Variants in RAB2A observed in about 807,000 individuals in gnomAD.
RAB2A encodes RAB2A, member RAS oncogene family, also known as ras-related protein Rab-2A.
In RAB2A, 7 loss-of-function variants were observed where a neutral mutation model predicts 32.5. The ratio of observed to expected loss-of-function variants is 0.22; its 90% confidence interval spans 0.12 to 0.40. RAB2A has a LOEUF of 0.40. Among genes scored for constraint, RAB2A ranks in the 10% least tolerant of loss-of-function variants. The pLI is 1.00. For synonymous variants in RAB2A, 79 were observed against 85.2 expected (o/e 0.93, Z 0.40); for missense variants, 108 against 260.7 (o/e 0.41, Z 4.03).
At chr8:60,531,798 A>ATTTT (rs11320293) in intron 1 of RAB2A, among the ~76,000 whole-genome samples, 1 of 129,698 alleles carries the variant, frequency 7.7e-6, no homozygotes, top group Non-Finnish European at 1.6e-5. Flanking sequence ...TTCTACCTTG[A>ATTTT]TTTTTTTTTT....
chr8:60,556,591 A>G (rs922359585), intron 1 of RAB2A, among the ~76,000 whole-genome samples: 4 of 151,188 alleles, frequency 2.6e-5, no homozygotes, highest in Admixed American at 1.3e-4. Flanking sequence ...CTTGAGCTCA[A>G]GAGTTTTTGG....
At chr8:60,582,619 C>G (rs1803780680) in intron 3 of RAB2A, among the ~76,000 whole-genome samples, 1 of 152,198 alleles carries the variant, frequency 6.6e-6, no homozygotes, top group African/African-American at 2.4e-5. Context: ...CACCTGGGCT[C>G]AGATGATCCT....
chr8:60,610,261 A>G (rs1260927657), intron 6 of RAB2A, among the ~76,000 whole-genome samples: 1 of 152,174 alleles, frequency 6.6e-6, no homozygotes, highest in Non-Finnish European at 1.5e-5. Context: ...CTGACAGGAT[A>G]GATGAATTTC....
chr8:60,523,809 G>A (rs921357726), intron 1 of RAB2A, among the ~76,000 whole-genome samples: 2 of 151,184 alleles, frequency 1.3e-5, no homozygotes, highest in African/African-American at 4.9e-5. Context: ...TCCTGCCTCA[G>A]CCTCCCAAGT....
intron 5 of RAB2A, among the ~76,000 whole-genome samples, chr8:60,589,344 C>T (rs1464145342): frequency 6.6e-6 from 1 of 151,938 alleles, no homozygotes; most frequent in Non-Finnish European, 1.5e-5. Flanking sequence ...GTATAACGAA[C>T]AAGAAAGAAC....
intron 6 of RAB2A, among the ~76,000 whole-genome samples, chr8:60,606,349 TGTGAATCCTACA>T (rs1396896123): frequency 6.6e-6 from 1 of 152,232 alleles, no homozygotes; most frequent in African/African-American, 2.4e-5. Flanking sequence ...GTCTCTGACC[TGTGAATCCTACA>T]GTGAATACTC....
intron 1 of RAB2A, among the ~76,000 whole-genome samples, chr8:60,539,862 T>C (rs1299295840): frequency 6.6e-6 from 1 of 152,120 alleles, no homozygotes; most frequent in African/African-American, 2.4e-5. Context: ...AGTTGTCTGC[T>C]AAGTTCCACA....
chr8:60,555,403 T>C (rs1404954531), intron 1 of RAB2A, among the ~76,000 whole-genome samples: 1 of 151,402 alleles, frequency 6.6e-6, no homozygotes. Context: ...ACTAAAATCC[T>C]TCACAGCAAA....
intron 1 of RAB2A, among the ~76,000 whole-genome samples, chr8:60,548,632 G>A (rs1355697577): frequency 2.8e-5 from 4 of 143,610 alleles, no homozygotes; most frequent in African/African-American, 5.3e-5. Context: ...GCGGCTGGCC[G>A]AGCGGGGGGC....
At chr8:60,517,816 A>T (rs886966750) in intron 1 of RAB2A, among the ~76,000 whole-genome samples, 1 of 152,060 alleles carries the variant, frequency 6.6e-6, no homozygotes. Context: ...CATATATATA[A>T]AATATGCTTT....
Position 60,584,171 on chromosome 8 carries a change from A to G in RAB2A, c.187-37A>G, listed in dbSNP as rs745947614. 2.7e-6 allele frequency: 4 copies of G among 1,470,988 alleles called. No individual in the cohort carries two copies. In the African/African-American group the frequency reaches 4.2e-5, roughly 15 times the overall value. The allele number at this position is 1,470,988 out of a possible 1,614,324, so 91.1% of individuals were successfully genotyped here. On this transcript the variant is annotated intron_variant, in intron 3 of 7. Transcript: ENST00000262646. ...AATATGAAAATGTAGAGGACATTGT[A>G]TTAAAGGAAACTCTCCAACCTTTTT... is the stretch of plus-strand genomic sequence containing the variant.
intron 3 of RAB2A, among the ~76,000 whole-genome samples, chr8:60,576,486 A>G (rs1415327883): frequency 6.6e-6 from 1 of 152,106 alleles, no homozygotes; most frequent in Non-Finnish European, 1.5e-5. Flanking sequence ...TCATTTATCC[A>G]CTCAGCTTCC....
Position 60,604,495 on chromosome 8 carries a change from T to C in RAB2A, c.474+12526T>C, listed in dbSNP as rs145244342. On this transcript the variant is annotated intron_variant, in intron 6 of 7. Transcript: ENST00000262646. The stretch of plus-strand genomic sequence containing the variant: ...AAGATGAGGAAAAATTTGGAACTTC[T>C]TAGAGACTGCTTGAATTGTGACCAA... Among the ~76,000 whole-genome samples, 293 of 152,300 alleles carry C rather than the reference T, an allele frequency of 1.9e-3. 3 individuals carry two copies. Among genetic ancestry groups the C allele is most frequent in the Admixed American group, 0.013 (192 of 15,294 alleles).
intron 2 of RAB2A, 89 bp downstream of exon 2, chr8:60,559,012 G>T (rs1178700037): frequency 1.1e-6 from 1 of 890,510 alleles, no homozygotes; most frequent in Non-Finnish European, 1.8e-6. Context: ...TAGTGATGAT[G>T]CTAAAATCAG....
intron 1 of RAB2A, among the ~76,000 whole-genome samples, chr8:60,550,789 C>G (rs1469326213): frequency 1.3e-5 from 2 of 152,170 alleles, no homozygotes; most frequent in Non-Finnish European, 2.9e-5. Flanking sequence ...GCTGAAAACT[C>G]TCCAGTGAAT....
At position 60,543,240 on chromosome 8, in the gene RAB2A, G is replaced by A. The variant is rs147597385; in HGVS notation, c.47-15612G>A. ...CAGAAAGTTGTTCTGTCACATTTCT[G>A]GAGGCCAGAAGCCTGATATTAGGTG... On this transcript the variant is annotated intron_variant, in intron 1 of 7. Coordinates refer to ENST00000262646, the MANE Select transcript of RAB2A (RefSeq NM_002865.3). Among the ~76,000 whole-genome samples the A allele has an allele frequency of 3.6e-3, 542 of 152,220 alleles. 4 individuals are homozygous for A. The highest frequency in any genetic ancestry group is 0.012 in the African/African-American group (517 of 41,490).
chr8:60,584,433 TTTACTACAGAAACCTGCAAC>T (rs1803816088), intron 4 of RAB2A, 143 bp downstream of exon 4: 1 of 687,882 alleles, frequency 1.5e-6, no homozygotes, highest in African/African-American at 1.8e-5. Context: ...CCAATTTAAA[TTTACTACAGAAACCTGCAAC>T]TGAATTGTTT....
intron 1 of RAB2A, among the ~76,000 whole-genome samples, chr8:60,546,516 C>T (rs532649229): frequency 4.6e-5 from 7 of 152,106 alleles, no homozygotes; most frequent in African/African-American, 1.7e-4. Flanking sequence ...TATAGTACTT[C>T]TCTAGCATTA....
chr8:60,536,307 ATC>A (rs35836236), intron 1 of RAB2A, among the ~76,000 whole-genome samples: 34,677 of 152,036 alleles, frequency 0.23, 4,022 homozygotes, highest in Middle Eastern at 0.38. Context: ...TGTTAATTTA[ATC>A]TGTCAATTGC....
Sources: gnomAD v4.1 joint callset for allele counts (sites outside exome capture counted in the v4.1 genomes callset) on GRCh38, gnomAD v4.1.1 for gene constraint, MANE v1.5 for transcripts, NCBI Gene and HGNC (gene_info 2026-07-23, HGNC 2026-07-21) for gene names.